HTR2C: variants seen among roughly 807,000 people sequenced by gnomAD.
The protein encoded by HTR2C is 5-hydroxytryptamine (serotonin) receptor 2C, G protein-coupled.
HTR2C carries 5 observed loss-of-function variants against 21.0 expected under a neutral mutation model. The ratio of observed to expected loss-of-function variants is 0.24; its 90% CI spans 0.12 to 0.50. The LOEUF (loss-of-function observed/expected upper bound fraction) is 0.50, where lower values mean the gene tolerates loss of function less well. Ranked by LOEUF, HTR2C falls within the 20% of genes least tolerant of loss-of-function variation. HTR2C has a pLI of 0.98. For synonymous variants in HTR2C, 150 were observed against 145.3 expected, an observed-to-expected ratio of 1.03 and a Z score of -0.23; for missense variants, 271 against 371.2, an observed-to-expected ratio of 0.73 and a Z score of 2.22.
At chrX:114,639,713 C>T (rs929690150) in intron 2 of HTR2C, among the ~76,000 whole-genome samples, 12 of 111,885 alleles carry the variant, frequency 1.1e-4, no homozygotes, top group African/African-American at 3.9e-4. Context: ...ATGTTTAAGC[C>T]ATGTGTTGTT....
chrX:114,869,010 G>A (rs1179693147), intron 5 of HTR2C, among the ~76,000 whole-genome samples: 2 of 107,903 alleles, frequency 1.9e-5, no homozygotes, highest in Admixed American at 2.0e-4. Flanking sequence ...ACCCCTGACA[G>A]GCCCCAGTGA....
intron 2 of HTR2C, among the ~76,000 whole-genome samples, chrX:114,696,076 AT>A (rs1199971784): frequency 8.9e-6 from 1 of 111,797 alleles, no homozygotes; most frequent in Non-Finnish European, 1.9e-5. Flanking sequence ...ATATTAGTCA[AT>A]TCCTCAAAGT....
At chrX:114,607,473 C>T (rs1246380867) in intron 1 of HTR2C, among the ~76,000 whole-genome samples, 3 of 111,636 alleles carry the variant, frequency 2.7e-5, no homozygotes, top group Non-Finnish European at 3.8e-5. Context: ...TCTGATTATA[C>T]ACAAGCATTG....
chrX:114,775,790 A>G (rs147974546), intron 4 of HTR2C: 13,946 of 426,634 alleles, frequency 0.033, 223 homozygotes, highest in Non-Finnish European at 0.045. Context: ...AATATCATGA[A>G]TCTGTGACTT....
At chrX:114,817,641 C>T (rs1484304617) in intron 4 of HTR2C, among the ~76,000 whole-genome samples, 1 of 111,178 alleles carries the variant, frequency 9.0e-6, no homozygotes, top group African/African-American at 3.3e-5. Flanking sequence ...AAACCAACAT[C>T]CTACAATCAT....
At chrX:114,828,335 ATTCAT>A (rs2147466044) in intron 4 of HTR2C, among the ~76,000 whole-genome samples, 1 of 110,845 alleles carries the variant, frequency 9.0e-6, no homozygotes, top group East Asian at 2.8e-4. Flanking sequence ...CTACCTTTCT[ATTCAT>A]TTCAAGAGAG....
At chrX:114,853,311 A>G (rs986692466) in intron 5 of HTR2C, among the ~76,000 whole-genome samples, 1 of 110,867 alleles carries the variant, frequency 9.0e-6, no homozygotes, top group African/African-American at 3.3e-5. Flanking sequence ...AAATGAAAAT[A>G]TTTTCTGTTT....
intron 1 of HTR2C, among the ~76,000 whole-genome samples, chrX:114,608,217 G>A (rs1928556504): frequency 9.0e-6 from 1 of 110,975 alleles, no homozygotes; most frequent in African/African-American, 3.3e-5. Context: ...TTTTTCCTTC[G>A]AAGTAATGGC....
intron 2 of HTR2C, among the ~76,000 whole-genome samples, chrX:114,650,319 A>G (rs1469052493): frequency 8.9e-6 from 1 of 111,790 alleles, no homozygotes; most frequent in African/African-American, 3.2e-5. Context: ...ATTTTAACAC[A>G]TCATTCCATG....
rs1046658834 is a variant in HTR2C, at chrX:114,611,838, T to C, written c.-146-1977T>C. On this transcript the variant is annotated intron_variant, in intron 1 of 5. Coordinates refer to ENST00000276198, the MANE Select transcript of HTR2C (RefSeq NM_000868.4). ...TCAGCCTCCCGAGTAGCTGAGACTA[T>C]AGGCGCCCGCCACCACGCCCGGCTA... 8.1e-5 allele frequency among the ~76,000 whole-genome samples: 9 copies of C among 111,170 alleles called. No homozygotes were observed. The South Asian group carries it at 1.1e-3, about 14-fold the overall frequency.
At chrX:114,609,990 C>T (rs782290824) in intron 1 of HTR2C, among the ~76,000 whole-genome samples, 1 of 111,841 alleles carries the variant, frequency 8.9e-6, no homozygotes, top group Non-Finnish European at 1.9e-5. Flanking sequence ...AGTGGTCAAA[C>T]TCTACATTTA....
intron 5 of HTR2C, among the ~76,000 whole-genome samples, chrX:114,859,964 A>C (rs1259563182): frequency 9.0e-6 from 1 of 111,634 alleles, no homozygotes; most frequent in Non-Finnish European, 1.9e-5. Context: ...GACTTCAGGA[A>C]ATTTTCAAGG....
rs782655405 is a variant in HTR2C, at chrX:114,818,673, A to G, written c.350-29330A>G. Among the ~76,000 whole-genome samples, 4 of 111,290 alleles carry G rather than the reference A, an allele frequency of 3.6e-5. No homozygotes were observed. In the East Asian group the frequency reaches 8.5e-4, roughly 24 times the overall value. ...CAGCTAACCACAGCCCATGGGCCAA[A>G]TCCTGCTGGCTGCCTCTTTGGTAAA... On this transcript the variant is annotated intron_variant, in intron 4 of 5. Transcript: ENST00000276198.
At chrX:114,811,862 C>T (rs1556452829) in intron 4 of HTR2C, among the ~76,000 whole-genome samples, 1 of 112,071 alleles carries the variant, frequency 8.9e-6, no homozygotes, top group Non-Finnish European at 1.9e-5. Flanking sequence ...CAGGGTTCCT[C>T]ATGGTAAAAT....
intron 2 of HTR2C, among the ~76,000 whole-genome samples, chrX:114,620,465 C>T (rs782007546): frequency 7.2e-5 from 8 of 111,623 alleles, no homozygotes; most frequent in African/African-American, 1.9e-4. Context: ...ATACGGCTTA[C>T]ATTTCACACT....
intron 2 of HTR2C, among the ~76,000 whole-genome samples, chrX:114,696,392 G>A (rs1159889154): frequency 2.7e-5 from 3 of 111,510 alleles, no homozygotes; most frequent in African/African-American, 3.2e-5. Flanking sequence ...CTGAGATGAT[G>A]CTTCAAATTT....
chrX:114,759,862 A>C (rs1221028391), intron 4 of HTR2C, among the ~76,000 whole-genome samples: 3 of 111,081 alleles, frequency 2.7e-5, no homozygotes, highest in Non-Finnish European at 5.7e-5. Flanking sequence ...CTTTATTCCC[A>C]CTCCATGGCT....
chrX:114,807,543 A>G (rs1304692731), intron 4 of HTR2C, among the ~76,000 whole-genome samples: 2 of 106,777 alleles, frequency 1.9e-5, no homozygotes, highest in East Asian at 2.9e-4. Flanking sequence ...TATATGGTAC[A>G]TAAGATATTT....
At chrX:114,868,219 C>T (rs2071061797) in intron 5 of HTR2C, among the ~76,000 whole-genome samples, 1 of 110,068 alleles carries the variant, frequency 9.1e-6, no homozygotes, top group African/African-American at 3.3e-5. Context: ...AGAGATTTTT[C>T]ACTTCTTTGG....
Sources: gnomAD v4.1 joint callset for allele counts (sites outside exome capture counted in the v4.1 genomes callset) on GRCh38, gnomAD v4.1.1 for gene constraint, MANE v1.5 for transcripts, NCBI Gene and HGNC (gene_info 2026-07-23, HGNC 2026-07-21) for gene names.